CCDC88C: variants seen among roughly 807,000 people sequenced by gnomAD.
CCDC88C encodes coiled-coil and HOOK domain protein 88C.
CCDC88C carries 131 observed loss-of-function variants against 198.8 expected under a neutral mutation model. That is an observed-to-expected ratio of 0.66 (90% CI 0.57 to 0.76). The LOEUF is 0.76. Ranked by LOEUF, CCDC88C falls within the 30% of genes least tolerant of loss-of-function variation. The probability of loss-of-function intolerance (pLI) is 0.00; values close to 1 mark genes in which losing one functional copy is unlikely to be tolerated. For synonymous variants in CCDC88C, 1,166 were observed against 1,114.7 expected, an observed-to-expected ratio of 1.05 and a Z score of -0.92; for missense variants, 2,553 against 2,631.6, an observed-to-expected ratio of 0.97 and a Z score of 0.65.
intron 29 of CCDC88C, among the ~76,000 whole-genome samples, chr14:91,274,443 G>A (rs1889873232): frequency 1.3e-5 from 2 of 152,220 alleles, no homozygotes. Context: ...AGGAACTGCA[G>A]CCTTCTGCAA....
chr14:91,281,280 A>G, intron 27 of CCDC88C, 177 bp downstream of exon 27: 2 of 1,477,618 alleles, frequency 1.4e-6, no homozygotes, highest in Non-Finnish European at 9.1e-7. Flanking sequence ...CACTGGAGGT[A>G]TGTAAGTAGA....
intron 3 of CCDC88C, among the ~76,000 whole-genome samples, chr14:91,376,723 C>A (rs979919446): frequency 2.6e-5 from 4 of 152,310 alleles, no homozygotes; most frequent in African/African-American, 9.6e-5. Flanking sequence ...GGATGGTGCC[C>A]TCCCATGGGG....
intron 14 of CCDC88C, 89 bp from the exon 15 acceptor site, chr14:91,314,239 G>A (rs1484836347): frequency 3.8e-6 from 4 of 1,048,822 alleles, no homozygotes; most frequent in East Asian, 2.6e-5. Context: ...GAGAGAGAAG[G>A]CCTTGAACGG....
chr14:91,335,502 C>G (rs1040076841), intron 10 of CCDC88C, among the ~76,000 whole-genome samples: 1 of 152,122 alleles, frequency 6.6e-6, no homozygotes, highest in East Asian at 1.9e-4. Flanking sequence ...CTAGCTATTT[C>G]AGGCCTCACT....
rs191213528 is a variant in CCDC88C at position 91,284,233 on chromosome 14, C to A, written c.4442-716G>T. ...ATAAAAATGAACATGGCTGGCATTCCTAAGAGCTGACAAAGCACTTTGCAG... is the reference window on the plus strand; with the variant it reads ...ATAAAAATGAACATGGCTGGCATTCATAAGAGCTGACAAAGCACTTTGCAG... On this transcript the variant is annotated intron_variant, in intron 25 of 29. Coordinates refer to ENST00000389857, the MANE Select transcript of CCDC88C (RefSeq NM_001080414.4). This position sits in a 1 kb window ranked among gnomAD's most constrained non-coding sequence, Gnocchi z 4.1. Among the ~76,000 whole-genome samples, 2 of 152,272 alleles carry A rather than the reference C, an allele frequency of 1.3e-5. No homozygotes were observed. Among genetic ancestry groups the A allele is most frequent in the Non-Finnish European group, 2.9e-5 (2 of 68,008 alleles).
At chr14:91,274,279 C>G in intron 29 of CCDC88C, among the ~76,000 whole-genome samples, 1 of 152,160 alleles carries the variant, frequency 6.6e-6, no homozygotes, top group Non-Finnish European at 1.5e-5. Context: ...TGGGGCTGCA[C>G]AGGGAAATGA....
intron 2 of CCDC88C, among the ~76,000 whole-genome samples, chr14:91,410,780 C>T (rs1040735499): frequency 1.3e-5 from 2 of 152,222 alleles, no homozygotes; most frequent in African/African-American, 2.4e-5. Context: ...ACTCAGAGAA[C>T]ATGCAGCGCT....
intron 3 of CCDC88C, among the ~76,000 whole-genome samples, chr14:91,364,784 T>G (rs1894455487): frequency 6.6e-6 from 1 of 152,172 alleles, no homozygotes. Context: ...ATGCTGCATC[T>G]CAAGGCCTGT....
chr14:91,288,930 G>T lies in CCDC88C; in HGVS notation c.4441+175C>A. The stretch of plus-strand genomic sequence containing the variant: ...AAATAAAGTAACAAAAGCATTATGG[G>T]ACAAAACGGTCGCCACGCTGAATTT... On this transcript the variant is annotated intron_variant, in intron 25 of 29. Coordinates refer to ENST00000389857, the MANE Select transcript of CCDC88C (RefSeq NM_001080414.4). The surrounding 1 kb of genome is among the most constrained non-coding windows in gnomAD (Gnocchi z 4.2). 3 of 587,788 alleles carry T rather than the reference G, an allele frequency of 5.1e-6. No homozygotes were observed. Among genetic ancestry groups the T allele is most frequent in the Non-Finnish European group, 3.0e-6 (1 of 332,308 alleles). The allele number at this position is 587,788 out of a possible 1,614,324, so 36.4% of individuals were successfully genotyped here. A position where few individuals can be genotyped will look rare whatever the true frequency, so the allele number is the denominator to read the frequency against.
At chr14:91,351,537 T>C (rs765578641) in intron 4 of CCDC88C, among the ~76,000 whole-genome samples, 10 of 152,090 alleles carry the variant, frequency 6.6e-5, no homozygotes, top group Non-Finnish European at 1.5e-4. Flanking sequence ...ATCATATGTG[T>C]CCCCACCCAT....
intron 29 of CCDC88C, 89 bp downstream of exon 29, chr14:91,277,833 C>A: frequency 7.2e-7 from 1 of 1,397,014 alleles, no homozygotes. Context: ...ACGCCACCCC[C>A]ACCCCATCCT....
chr14:91,344,195 G>C (rs1457237719), intron 4 of CCDC88C, among the ~76,000 whole-genome samples: 1 of 152,186 alleles, frequency 6.6e-6, no homozygotes. Context: ...TATGTCGTAA[G>C]TATCTCCCCA....
At chr14:91,412,207 G>GTTTTTTTTTTTTT (rs1567129989) in intron 2 of CCDC88C, among the ~76,000 whole-genome samples, 1 of 151,920 alleles carries the variant, frequency 6.6e-6, no homozygotes, top group African/African-American at 2.4e-5. Flanking sequence ...TATGTTTAAT[G>GTTTTTTTTTTTTT]TATTTTTATA....
intron 3 of CCDC88C, among the ~76,000 whole-genome samples, chr14:91,370,106 C>T (rs549304300): frequency 1.8e-4 from 27 of 152,290 alleles, no homozygotes; most frequent in African/African-American, 6.3e-4. Flanking sequence ...ACTCAAACAC[C>T]GCAGCATGAG....
At chr14:91,321,059 G>A in intron 13 of CCDC88C, 61 bp downstream of exon 13, 1 of 1,458,860 alleles carries the variant, frequency 6.9e-7, no homozygotes. Flanking sequence ...AATCACTGGG[G>A]AGGATGGGAG....
chr14:91,343,760 T>A, intron 4 of CCDC88C, 103 bp from the exon 5 acceptor site: 1 of 1,354,320 alleles, frequency 7.4e-7, no homozygotes. Context: ...ATCATCTCTC[T>A]ACTCTGTGAC....
At chr14:91,397,981 A>C (rs995240563) in intron 3 of CCDC88C, among the ~76,000 whole-genome samples, 1 of 152,262 alleles carries the variant, frequency 6.6e-6, no homozygotes, top group Non-Finnish European at 1.5e-5. Flanking sequence ...ATCTTGCTCC[A>C]TGAGCCTTGG....
At chr14:91,416,574 C>T (rs1315951368) in intron 2 of CCDC88C, among the ~76,000 whole-genome samples, 164 bp downstream of exon 2, 1 of 152,116 alleles carries the variant, frequency 6.6e-6, no homozygotes, top group Non-Finnish European at 1.5e-5. Context: ...CAAACACCTA[C>T]GAATGTCCAA....
intron 10 of CCDC88C, among the ~76,000 whole-genome samples, chr14:91,329,104 G>A (rs540217499): frequency 3.4e-4 from 52 of 152,288 alleles, no homozygotes; most frequent in African/African-American, 1.2e-3. Flanking sequence ...CATCACCCCC[G>A]CTCTGAACCC....
Sources: allele counts gnomAD v4.1 joint callset (sites outside exome capture counted in the v4.1 genomes callset), GRCh38; gene constraint gnomAD v4.1.1; non-coding constraint Gnocchi (gnomAD v3.1); transcripts MANE v1.5; gene names NCBI Gene and HGNC (gene_info 2026-07-23, HGNC 2026-07-21).